The following TECTB variants were observed in gnomAD, a reference collection of about 807,000 sequenced individuals.
The protein encoded by TECTB is beta-tectorin.
Under a neutral mutation model 43.3 loss-of-function variants are expected in TECTB, and 45 were observed. The ratio of observed to expected loss-of-function variants is 1.04; its 90% CI spans 0.82 to 1.33. The LOEUF is 1.33. TECTB is among the 40% of genes most tolerant of loss of function. The pLI, the probability that TECTB is intolerant of heterozygous loss-of-function variation, is 0.00. For missense variants in TECTB, 399 were observed against 404.7 expected (o/e 0.99, Z 0.12); for synonymous variants, 169 against 156.7 (o/e 1.08, Z -0.59).
At chr10:112,291,961 C>T (rs954000328) in intron 5 of TECTB, among the ~76,000 whole-genome samples, 2 of 152,022 alleles carry the variant, frequency 1.3e-5, no homozygotes, top group East Asian at 1.9e-4. Flanking sequence ...ACGGTGAAAC[C>T]CTGTCTCTAC....
chr10:112,299,641 G>A, intron 9 of TECTB, 77 bp downstream of exon 9: 3 of 1,547,612 alleles, frequency 1.9e-6, no homozygotes, highest in Non-Finnish European at 2.7e-6. Flanking sequence ...CAGCCGGTTT[G>A]AGCATTTTTA....
rs948198798 is a variant in TECTB, at chr10:112,293,816, G to A, written c.562G>A (p.Val188Met). The change falls in exon 6 of 11, where the codon GTG (valine) becomes ATG (methionine). Residue 188 changes from valine to methionine, a missense_variant. Coordinates refer to ENST00000646139, the MANE Select transcript of TECTB (RefSeq NM_058222.3). ...AATCGGTTCAGATCTGTTTGCAGGA[G>A]TGGAAGCCAAAGGGTTAAGCATTAG... Reference protein sequence around the residue: ...SEIGSDLFAGVEAKGLSIRFK... With the variant: ...SEIGSDLFAGMEAKGLSIRFK... 3 of 1,614,164 alleles carry A rather than the reference G, an allele frequency of 1.9e-6. No homozygotes were observed. Among genetic ancestry groups the A allele is most frequent in the Non-Finnish European group, 1.7e-6 (2 of 1,180,016 alleles).
rs1224315426 is a variant in TECTB at position 112,303,411 on chromosome 10, A to G, written c.*99A>G. 5 of 1,461,040 alleles carry G rather than the reference A, an allele frequency of 3.4e-6. No individual in the cohort carries two copies. The highest frequency in any genetic ancestry group is 4.8e-6 in the Non-Finnish European group (5 of 1,042,498). The allele number at this position is 1,461,040 out of a possible 1,614,324, so 90.5% of individuals were successfully genotyped here. ...CCAAAAAGAACAAACAGAAGACCAC[A>G]TTGTTGGGGGGCAGAGAATAGCACT... On this transcript the variant is annotated 3_prime_UTR_variant, in exon 11 of 11. Coordinates refer to ENST00000646139, the MANE Select transcript of TECTB (RefSeq NM_058222.3).
chr10:112,284,629 G>A lies in TECTB; in HGVS notation c.171G>A (p.Gly57=). The change falls in exon 3 of 11, where the codon GGG becomes GGA. Residue 57 remains glycine (G), a synonymous_variant. Coordinates refer to ENST00000646139, the MANE Select transcript of TECTB (RefSeq NM_058222.3). ...AAGTTCATCAGCTGGCCCTCGGAGG[G>A]CTGTGTTACAATGGGGTCCACGAAG... ...GWEVHQLALG[G]LCYNGVHEGG... 6.2e-7 allele frequency: 1 copy of A among 1,613,708 alleles called. No individual in the cohort carries two copies. The highest frequency in any genetic ancestry group is 1.1e-5 in the South Asian group (1 of 90,972).
intron 5 of TECTB, among the ~76,000 whole-genome samples, 176 bp from the exon 6 acceptor site, chr10:112,293,562 G>A (rs1848518188): frequency 6.6e-6 from 1 of 152,068 alleles, no homozygotes. Context: ...TTCTAAGATG[G>A]CATAGTGTCT....
intron 5 of TECTB, among the ~76,000 whole-genome samples, chr10:112,291,089 G>T (rs1438987728): frequency 1.3e-5 from 2 of 152,044 alleles, no homozygotes; most frequent in Non-Finnish European, 2.9e-5. Context: ...GCTACACCTA[G>T]CAACCCATCA....
chr10:112,284,560 C>G lies in TECTB; in HGVS notation c.102C>G (p.Pro34=), dbSNP rs755510430. Residue 34 remains proline, a synonymous_variant, in exon 3 of 11, where the codon CCC becomes CCG. Coordinates refer to ENST00000646139, the MANE Select transcript of TECTB (RefSeq NM_058222.3). The part of the protein sequence containing the change: ...KADVILVFCY[P]KTIITKIPEC... ...ATGTCATTCTTGTGTTTTGCTATCCCAAAACCATCATCACCAAAATCCCCG... is the reference window on the plus strand; with the variant it reads ...ATGTCATTCTTGTGTTTTGCTATCCGAAAACCATCATCACCAAAATCCCCG... The G allele has an allele frequency of 6.2e-7, 1 of 1,610,622 alleles. No individual in the cohort carries two copies. Among genetic ancestry groups the G allele is most frequent in the Non-Finnish European group, 8.5e-7 (1 of 1,178,272 alleles).
chr10:112,283,650 T>G lies in TECTB; in HGVS notation c.-85T>G. The G allele has an allele frequency of 1.6e-6, 2 of 1,241,030 alleles. No homozygotes were observed. The highest frequency in any genetic ancestry group is 2.3e-6 in the Non-Finnish European group (2 of 865,080). The allele number at this position is 1,241,030 out of a possible 1,614,324, so 76.9% of individuals were successfully genotyped here. On this transcript the variant is annotated splice_region_variant and 5_prime_UTR_variant, in exon 2 of 11. It removes an upstream start codon present in the reference 5' UTR. Transcript: ENST00000646139. The stretch of plus-strand genomic sequence containing the variant: ...TTTCATTCATGTTTCTGACTTAGAA[T>G]GATCGAGGCTCAGGCCCTGGAAGGA...
Position 112,283,808 on chromosome 10 carries a change from C to T in TECTB, c.74C>T (p.Ala25Val). Reference protein sequence around the residue: ...ASAKSCAPNKADVILVFCYPK... With the variant: ...ASAKSCAPNKVDVILVFCYPK... The stretch of plus-strand genomic sequence containing the variant: ...GCAAAATCGTGTGCTCCAAATAAAG[C>T]AGGTATGTCCTCGCCAAGTCCATTT... Residue 25 changes from alanine (A) to valine (V), a missense_variant and splice_region_variant, in exon 2 of 11, where the codon GCA becomes GTA. Ala to Val is a moderately conservative substitution (Grantham distance 64, BLOSUM62 0). Transcript: ENST00000646139. 1 of 1,613,694 alleles carries T rather than the reference C, an allele frequency of 6.2e-7. No individual in the cohort carries two copies. Among genetic ancestry groups the T allele is most frequent in the South Asian group, 1.1e-5 (1 of 90,988 alleles).
chr10:112,294,034 C>A lies in TECTB; in HGVS notation c.644C>A (p.Pro215His), dbSNP rs1408014505. The A allele has an allele frequency of 6.2e-7, 1 of 1,614,066 alleles. No homozygotes were observed. Among genetic ancestry groups the A allele is most frequent in the Admixed American group, 1.7e-5 (1 of 60,008 alleles). The change falls in exon 7 of 11, where the codon CCC becomes CAC. Residue 215 changes from proline (P) to histidine (H), a missense_variant. By Grantham distance (77) the Pro-to-His change is moderately conservative (BLOSUM62 -2). Transcript: ENST00000646139. Reference protein sequence around the residue: ...WATPSADFMYPLQWQLINKGC... With the variant: ...WATPSADFMYHLQWQLINKGC... ...ACCCCCTCGGCTGACTTCATGTATC[C>A]CTTGCAGTGGCAGCTGATCAACAAG... is the stretch of plus-strand genomic sequence containing the variant.
At chr10:112,299,378 C>G in intron 8 of TECTB, 114 bp from the exon 9 acceptor site, 1 of 967,346 alleles carries the variant, frequency 1.0e-6, no homozygotes. Flanking sequence ...GGAATTGTGA[C>G]TCCACCCCAT....
intron 5 of TECTB, among the ~76,000 whole-genome samples, chr10:112,287,390 G>T (rs1848463685): frequency 6.6e-6 from 1 of 152,210 alleles, no homozygotes; most frequent in South Asian, 2.1e-4. Context: ...CCTGCAGCTT[G>T]CATTGAGGAC....
Position 112,285,932 on chromosome 10 carries a change from T to C in TECTB, c.268-139T>C, listed in dbSNP as rs570505613. Reference sequence around the variant, plus strand: ...TCAGCTCACCCGCAGACAAGAAGAGTGGATGCCACCGTCAGTGGCAGACAT... The same window carrying C: ...TCAGCTCACCCGCAGACAAGAAGAGCGGATGCCACCGTCAGTGGCAGACAT... On this transcript the variant is annotated intron_variant, in intron 3 of 10. Transcript: ENST00000646139. 4.0e-5 allele frequency: 43 copies of C among 1,070,716 alleles called. No individual in the cohort carries two copies. In the South Asian group the frequency reaches 5.4e-4, roughly 13 times the overall value. 66.3% of individuals were successfully genotyped at this position (1,070,716 alleles called of 1,614,324 possible).
In TECTB at chr10:112,293,974, C is replaced by T; in HGVS notation, c.588-4C>T. 6.2e-7 allele frequency: 1 copy of T among 1,614,116 alleles called. No homozygotes were observed. Among genetic ancestry groups the T allele is most frequent in the East Asian group, 2.2e-5 (1 of 44,890 alleles). On this transcript the variant is annotated splice_region_variant and splice_polypyrimidine_tract_variant and intron_variant, in intron 6 of 10. Transcript: ENST00000646139. Reference sequence around the variant, plus strand: ...AAAGTGATGCCATTTTGTTTTATTTCCAGGTTTAAAGTGGTCTTGAACAGC... The same window carrying T: ...AAAGTGATGCCATTTTGTTTTATTTTCAGGTTTAAAGTGGTCTTGAACAGC...
chr10:112,294,805 G>C (rs561578972), intron 7 of TECTB, among the ~76,000 whole-genome samples: 1 of 152,324 alleles, frequency 6.6e-6, no homozygotes, highest in Non-Finnish European at 1.5e-5. Flanking sequence ...AAAGTAGGGA[G>C]ATGCTTCTGC....
At chr10:112,286,478 C>G in intron 5 of TECTB, 87 bp downstream of exon 5, 1 of 1,407,776 alleles carries the variant, frequency 7.1e-7, no homozygotes, top group Middle Eastern at 2.4e-4. Flanking sequence ...TCAGTCTTCC[C>G]CAAGCTCTGT....
At chr10:112,299,413 T>G in intron 8 of TECTB, 79 bp from the exon 9 acceptor site, 1 of 1,391,824 alleles carries the variant, frequency 7.2e-7, no homozygotes, top group Non-Finnish European at 1.0e-6. Context: ...AAATATCTTT[T>G]CTTTCTCTTT....
In TECTB at chr10:112,300,279, A is replaced by AAAGAAAGAAAGGAAAGAAAGAAAG. The variant is rs1361291056; in HGVS notation, c.907+717_907+718insGAAAGAAAGGAAAGAAAGAAAGAA. Reference sequence around the variant, plus strand: ...GAAAGAAAGAAAGAAAGAAAGAAAGAAAAGAAAGAAAGAAAGAAAGAAAGA... The same window carrying AAAGAAAGAAAGGAAAGAAAGAAAG: ...GAAAGAAAGAAAGAAAGAAAGAAAGAAAGAAAGAAAGGAAAGAAAGAAAGAAAGAAAGAAAGAAAGAAAGAAAGA... On this transcript the variant is annotated intron_variant, in intron 9 of 10. Coordinates refer to ENST00000646139, the MANE Select transcript of TECTB (RefSeq NM_058222.3). Among the ~76,000 whole-genome samples the AAAGAAAGAAAGGAAAGAAAGAAAG allele has an allele frequency of 4.3e-4, 21 of 48,358 alleles. 1 individual carries two copies. Among genetic ancestry groups the AAAGAAAGAAAGGAAAGAAAGAAAG allele is most frequent in the African/African-American group, 8.0e-4 (9 of 11,192 alleles). The allele number at this position is 48,358 out of a possible 152,430, so 31.7% of individuals were successfully genotyped here.
intron 5 of TECTB, among the ~76,000 whole-genome samples, chr10:112,293,511 G>A (rs1055991833): frequency 1.3e-5 from 2 of 152,136 alleles, no homozygotes; most frequent in Admixed American, 1.3e-4. Context: ...TCACTATAAT[G>A]AGCAAATCTA....
Sources: allele counts gnomAD v4.1 joint callset (sites outside exome capture counted in the v4.1 genomes callset), GRCh38; gene constraint gnomAD v4.1.1; transcripts MANE v1.5; gene names NCBI Gene and HGNC (gene_info 2026-07-23, HGNC 2026-07-21).